Variants in LEPR observed in about 807,000 individuals in gnomAD.
LEPR encodes OB receptor.
Under a neutral mutation model 114.7 loss-of-function variants are expected in LEPR, and 56 were observed. The ratio of observed to expected loss-of-function variants is 0.49; its 90% CI spans 0.39 to 0.61. The LOEUF (loss-of-function observed/expected upper bound fraction) is 0.61, where lower values mean the gene tolerates loss of function less well. Among genes scored for constraint, LEPR ranks in the 20% least tolerant of loss-of-function variants. The pLI is 0.00. For synonymous variants in LEPR, 443 were observed against 461.4 expected (o/e 0.96, Z 0.51); for missense variants, 1,202 against 1,352.9 (o/e 0.89, Z 1.75).
At chr1:65,481,699 T>A (rs910790824) in intron 2 of LEPR, among the ~76,000 whole-genome samples, 2 of 151,676 alleles carry the variant, frequency 1.3e-5, no homozygotes, top group African/African-American at 4.8e-5. Context: ...CAGCAATATG[T>A]ATAGGAATTA....
intron 14 of LEPR, 23 bp from the exon 15 acceptor site, chr1:65,615,985 A>C (rs1657502191): frequency 6.2e-7 from 1 of 1,613,910 alleles, no homozygotes; most frequent in African/African-American, 1.3e-5. Context: ...CCTTAAACTA[A>C]TCAATTTCTA....
intron 2 of LEPR, chr1:65,433,206 A>C (rs1468749962): frequency 1.0e-6 from 1 of 984,552 alleles, no homozygotes; most frequent in East Asian, 1.1e-4. Context: ...GTTTGCCCTG[A>C]CTTCTCTACG....
At chr1:65,579,780 G>A (rs1351405430) in intron 5 of LEPR, among the ~76,000 whole-genome samples, 2 of 151,950 alleles carry the variant, frequency 1.3e-5, no homozygotes, top group East Asian at 1.9e-4. Flanking sequence ...TTATGATGAG[G>A]TATTTTTCTG....
At chr1:65,594,892 C>T (rs1206405632) in intron 6 of LEPR, among the ~76,000 whole-genome samples, 3 of 151,684 alleles carry the variant, frequency 2.0e-5, no homozygotes, top group Non-Finnish European at 1.5e-5. Context: ...GCTGAAAGGC[C>T]GAGTAAGGTG....
In LEPR at chr1:65,434,299, A is replaced by AT. The variant is rs963668884; in HGVS notation, c.-21+8928dup. On this transcript the variant is annotated intron_variant, in intron 2 of 19. Coordinates refer to ENST00000349533, the MANE Select transcript of LEPR (RefSeq NM_002303.6). The stretch of plus-strand genomic sequence containing the variant: ...GATCATGGTGACACAAATGTTGGAC[A>AT]TTTTTTTCCTTATAAAAGGCTCTTT... 7 of 984,148 alleles carry AT rather than the reference A, an allele frequency of 7.1e-6. No homozygotes were observed. The African/African-American group carries it at 1.2e-4, about 17-fold the overall frequency. 61.0% of individuals were successfully genotyped at this position (984,148 alleles called of 1,614,324 possible). A position where few individuals can be genotyped will look rare whatever the true frequency, so the allele number is the denominator to read the frequency against.
intron 2 of LEPR, among the ~76,000 whole-genome samples, chr1:65,518,063 GT>G: frequency 6.6e-6 from 1 of 152,154 alleles, no homozygotes; most frequent in Non-Finnish European, 1.5e-5. Flanking sequence ...TTCTCCAGAG[GT>G]TTTTGTTGAT....
intron 2 of LEPR, among the ~76,000 whole-genome samples, chr1:65,495,548 A>G (rs944778020): frequency 2.6e-5 from 4 of 152,320 alleles, no homozygotes; most frequent in Admixed American, 1.3e-4. Context: ...TCACTACTGG[A>G]TATTTATCCA....
intron 2 of LEPR, among the ~76,000 whole-genome samples, chr1:65,454,509 C>T (rs1341852000): frequency 1.3e-5 from 2 of 152,040 alleles, no homozygotes; most frequent in African/African-American, 4.8e-5. Flanking sequence ...ATTTGCTTGT[C>T]TGTAAAGTAT....
intron 2 of LEPR, among the ~76,000 whole-genome samples, chr1:65,546,271 G>T (rs1046002786): frequency 4.0e-4 from 61 of 152,156 alleles, no homozygotes; most frequent in African/African-American, 1.4e-3. Flanking sequence ...TTTTGGCTTA[G>T]GATTGACTTG....
At chr1:65,476,460 A>G (rs1647161252) in intron 2 of LEPR, among the ~76,000 whole-genome samples, 2 of 152,190 alleles carry the variant, frequency 1.3e-5, no homozygotes, top group African/African-American at 4.8e-5. Context: ...CCAATAGCTC[A>G]GTAAAGGTCT....
At chr1:65,474,433 T>A (rs1179298093) in intron 2 of LEPR, among the ~76,000 whole-genome samples, 1 of 152,234 alleles carries the variant, frequency 6.6e-6, no homozygotes, top group South Asian at 2.1e-4. Flanking sequence ...AAAAAGGACA[T>A]GTGTTCTTAT....
Position 65,636,788 on chromosome 1 carries a change from G to C in LEPR, c.3271G>C (p.Gly1091Arg), listed in dbSNP as rs1658734046. 1 of 1,614,012 alleles carries C rather than the reference G, an allele frequency of 6.2e-7. No individual in the cohort carries two copies. Among genetic ancestry groups the C allele is most frequent in the East Asian group, 2.2e-5 (1 of 44,876 alleles). Reference sequence around the variant, plus strand: ...CACCTCAATCAAAAAGAGAGAGAGTGGTGTGCTTTTGACTGACAAGTCAAG... The same window carrying C: ...CACCTCAATCAAAAAGAGAGAGAGTCGTGTGCTTTTGACTGACAAGTCAAG... ...GVTSIKKRES[G>R]VLLTDKSRVS... The change falls in exon 20 of 20, where the codon GGT becomes CGT. Residue 1091 changes from glycine to arginine, a missense_variant. Transcript: ENST00000349533.
At chr1:65,452,593 G>A (rs552840252) in intron 2 of LEPR, among the ~76,000 whole-genome samples, 77 of 151,882 alleles carry the variant, frequency 5.1e-4, no homozygotes, top group East Asian at 9.7e-4. Context: ...ATTGATTTGC[G>A]TATATTGAAC....
At chr1:65,492,655 T>G (rs1647935622) in intron 2 of LEPR, among the ~76,000 whole-genome samples, 1 of 152,056 alleles carries the variant, frequency 6.6e-6, no homozygotes, top group South Asian at 2.1e-4. Context: ...CTAGGGTTAC[T>G]TCATATTATT....
chr1:65,548,189 C>G (rs1651937438), intron 2 of LEPR, among the ~76,000 whole-genome samples: 3 of 152,096 alleles, frequency 2.0e-5, no homozygotes, highest in African/African-American at 7.2e-5. Flanking sequence ...GTTATAATTT[C>G]TGTTCTTTTA....
intron 2 of LEPR, among the ~76,000 whole-genome samples, chr1:65,550,124 C>T (rs1000049870): frequency 2.6e-5 from 4 of 152,150 alleles, no homozygotes; most frequent in Non-Finnish European, 4.4e-5. Flanking sequence ...TCTGCAGAAC[C>T]GCGGATTTTC....
At chr1:65,433,380 G>A (rs887959523) in intron 2 of LEPR, 1 of 985,260 alleles carries the variant, frequency 1.0e-6, no homozygotes, top group African/African-American at 1.7e-5. Context: ...TGTCATGTTG[G>A]ATCCTGTAAT....
chr1:65,480,190 A>G (rs1647205655), intron 2 of LEPR, among the ~76,000 whole-genome samples: 1 of 152,180 alleles, frequency 6.6e-6, no homozygotes, highest in Non-Finnish European at 1.5e-5. Context: ...TGCCTTGTTC[A>G]AGAAGTAGAG....
At chr1:65,499,288 G>C (rs578239830) in intron 2 of LEPR, among the ~76,000 whole-genome samples, 3 of 152,174 alleles carry the variant, frequency 2.0e-5, no homozygotes, top group Admixed American at 6.6e-5. Flanking sequence ...TTCCCAAAGA[G>C]AATTCCTGCA....
Sources: gnomAD v4.1 joint callset for allele counts (sites outside exome capture counted in the v4.1 genomes callset) on GRCh38, gnomAD v4.1.1 for gene constraint, MANE v1.5 for transcripts, NCBI Gene and HGNC (gene_info 2026-07-23, HGNC 2026-07-21) for gene names.